Variants in PCTP observed in about 807,000 individuals in gnomAD.
PCTP encodes phosphatidylcholine transfer protein, also known as START domain-containing protein 2.
In PCTP, 27 loss-of-function variants were observed where a neutral mutation model predicts 31.0. The observed-to-expected ratio is 0.87, with a 90% confidence interval of 0.64 to 1.20. PCTP has a LOEUF of 1.20. Ranked by LOEUF, PCTP falls within the 50% of genes most tolerant of loss-of-function variation. PCTP has a pLI of 0.00. For missense variants in PCTP, 287 were observed against 268.2 expected, an observed-to-expected ratio of 1.07 and a Z score of -0.49; for synonymous variants, 108 against 101.2, an observed-to-expected ratio of 1.07 and a Z score of -0.40.
At chr17:55,826,195 A>C (rs1316178933), downstream of PCTP, among the ~76,000 whole-genome samples, 5 of 152,164 alleles carry the variant, frequency 3.3e-5, no homozygotes, top group Non-Finnish European at 7.3e-5. Context: ...TGAATGTGGA[A>C]CAGTGGGAAA....
At chr17:55,828,717 G>A (rs1208309085) in intron 5 of PCTP, among the ~76,000 whole-genome samples, 1 of 152,198 alleles carries the variant, frequency 6.6e-6, no homozygotes, top group Non-Finnish European at 1.5e-5. Context: ...GCTTCTGGGT[G>A]ATGGAGCCCA....
At chr17:55,792,335 AG>A (rs1184042222) in intron 3 of PCTP, among the ~76,000 whole-genome samples, 4 of 150,012 alleles carry the variant, frequency 2.7e-5, no homozygotes, top group African/African-American at 9.9e-5. Flanking sequence ...GAAAAAAAAA[AG>A]AAAAAACCAC....
intron 3 of PCTP, among the ~76,000 whole-genome samples, chr17:55,797,653 A>T (rs1912228378): frequency 6.6e-6 from 1 of 152,008 alleles, no homozygotes. Flanking sequence ...ACTACAGAAA[A>T]ACTGGAAATA....
downstream of PCTP, among the ~76,000 whole-genome samples, chr17:55,827,091 C>T (rs953408821): frequency 3.3e-5 from 5 of 151,662 alleles, no homozygotes; most frequent in Non-Finnish European, 7.4e-5. Flanking sequence ...TATCCAAGCT[C>T]GTTGCAATTT....
At chr17:55,812,354 T>C (rs974811279) in intron 3 of PCTP, among the ~76,000 whole-genome samples, 20 of 152,238 alleles carry the variant, frequency 1.3e-4, no homozygotes, top group Non-Finnish European at 2.9e-5. Flanking sequence ...TAGGCACTAG[T>C]ATTTCCCCCA....
At chr17:55,799,387 TTTTC>T (rs1020835126) in intron 3 of PCTP, among the ~76,000 whole-genome samples, 2 of 147,450 alleles carry the variant, frequency 1.4e-5, no homozygotes, top group African/African-American at 2.6e-5. Flanking sequence ...TTTTTTTTCT[TTTTC>T]TTTCTTTTTT....
intron 3 of PCTP, chr17:55,822,659 A>T: frequency 4.1e-6 from 2 of 483,846 alleles, no homozygotes; most frequent in South Asian, 2.2e-4. Flanking sequence ...GCATCCTTCC[A>T]TGACTATCCA....
chr17:55,816,491 A>G (rs1170674160), intron 3 of PCTP, among the ~76,000 whole-genome samples: 1 of 152,252 alleles, frequency 6.6e-6, no homozygotes, highest in Non-Finnish European at 1.5e-5. Flanking sequence ...TGACTCTTTT[A>G]GGATCAATAT....
chr17:55,824,237 A>G (rs908191541), downstream of PCTP, among the ~76,000 whole-genome samples: 3 of 152,086 alleles, frequency 2.0e-5, no homozygotes, highest in African/African-American at 4.8e-5. Flanking sequence ...TCTTGCTTAC[A>G]AAGACCTCCG....
chr17:55,755,425 A>G (rs959820600), intron 1 of PCTP, among the ~76,000 whole-genome samples: 2 of 152,240 alleles, frequency 1.3e-5, no homozygotes, highest in African/African-American at 2.4e-5. Flanking sequence ...TTACTGTTAC[A>G]TGTTTTTAAA....
chr17:55,757,646 A>G lies in PCTP; in HGVS notation c.141+6402A>G, dbSNP rs535336152. Among the ~76,000 whole-genome samples, 16 of 152,062 alleles carry G rather than the reference A, an allele frequency of 1.1e-4. No individual in the cohort carries two copies. The East Asian group carries it at 3.1e-3, about 29-fold the overall frequency. ...GAATAAGTTCTATGTTCATGTATGT[A>G]TGTGTATAGATAGATAGATAGATAC... On this transcript the variant is annotated intron_variant, in intron 1 of 5. Coordinates refer to ENST00000268896, the MANE Select transcript of PCTP (RefSeq NM_021213.4).
At chr17:55,774,985 A>T in intron 5 of PCTP, 126 bp downstream of exon 5, 2 of 1,100,184 alleles carry the variant, frequency 1.8e-6, no homozygotes. Flanking sequence ...CTCTTTTATG[A>T]AGAGTTTGGT....
chr17:55,751,560 T>G, intron 1 of PCTP: 1 of 1,355,484 alleles, frequency 7.4e-7, no homozygotes, highest in Non-Finnish European at 9.7e-7. Context: ...TGCACACGTC[T>G]GCAAGGGACG....
chr17:55,753,086 T>G (rs1027325506), intron 1 of PCTP, among the ~76,000 whole-genome samples: 2 of 152,212 alleles, frequency 1.3e-5, no homozygotes, highest in South Asian at 4.1e-4. Context: ...CTATTCCATT[T>G]TTCTTACCAG....
intron 4 of PCTP, among the ~76,000 whole-genome samples, chr17:55,774,472 C>T (rs1469308229): frequency 6.6e-6 from 1 of 152,136 alleles, no homozygotes; most frequent in African/African-American, 2.4e-5. Flanking sequence ...GTATCTGTTT[C>T]ATCAGTTATA....
intron 3 of PCTP, among the ~76,000 whole-genome samples, chr17:55,821,620 TTACC>T (rs2145064742): frequency 6.6e-6 from 1 of 152,332 alleles, no homozygotes; most frequent in East Asian, 1.9e-4. Context: ...CTATGTAATC[TTACC>T]TAAGTCTCAT....
rs1911136285 is a variant in PCTP at position 55,773,726 on chromosome 17, T to G, written c.342T>G (p.Tyr114Ter). The change falls in exon 4 of 6, where the codon TAT becomes TAG. Residue 114 changes from tyrosine (Y) to a stop codon, truncating the protein, a stop_gained and splice_region_variant. Transcript: ENST00000268896. LOFTEE classifies it high-confidence loss of function. The part of the protein sequence containing the change: ...KYPFPMSNRD[Y>*]VYLRQRRDLD... ...TCTTGCCTTAACTGGCTATGCAGTA[T>G]GTCTACCTTCGGCAGCGGCGAGACC... 2 of 1,610,120 alleles carry G rather than the reference T, an allele frequency of 1.2e-6. No homozygotes were observed. The highest frequency in any genetic ancestry group is 4.5e-5 in the East Asian group (2 of 44,746).
downstream of PCTP, among the ~76,000 whole-genome samples, chr17:55,779,921 G>A (rs982516373): frequency 6.6e-6 from 1 of 152,160 alleles, no homozygotes; most frequent in Non-Finnish European, 1.5e-5. Context: ...ATTGGCCCAT[G>A]TTGGGGCGCA....
At chr17:55,756,183 G>A (rs1465952110) in intron 1 of PCTP, among the ~76,000 whole-genome samples, 2 of 152,210 alleles carry the variant, frequency 1.3e-5, no homozygotes, top group Non-Finnish European at 2.9e-5. Flanking sequence ...GATAAGTGGT[G>A]AAGAAGGAAC....
Sources: gnomAD v4.1 joint callset for allele counts (sites outside exome capture counted in the v4.1 genomes callset) on GRCh38, gnomAD v4.1.1 for gene constraint, MANE v1.5 for transcripts, NCBI Gene and HGNC (gene_info 2026-07-23, HGNC 2026-07-21) for gene names.